Variants in DNAH11 observed in about 807,000 individuals in gnomAD.
DNAH11 encodes dynein axonemal heavy chain 11.
A neutral mutation model predicts 526.0 loss-of-function variants in DNAH11; 442 were observed. The observed-to-expected ratio is 0.84, with a 90% CI of 0.78 to 0.91. The LOEUF (loss-of-function observed/expected upper bound fraction) is 0.91. Among genes scored for constraint, DNAH11 ranks in the 40% least tolerant of loss-of-function variants. The pLI is 0.00. For missense variants in DNAH11, 6,989 were observed against 5,448.7 expected (o/e 1.28, Z -8.90); for synonymous variants, 2,461 against 1,935.9 (o/e 1.27, Z -7.12).
At chr7:21,752,051 C>G (rs1002755943) in intron 54 of DNAH11, among the ~76,000 whole-genome samples, 1 of 152,226 alleles carries the variant, frequency 6.6e-6, no homozygotes, top group African/African-American at 2.4e-5. Flanking sequence ...CAACTCCAAG[C>G]CAGACCTCCT....
intron 60 of DNAH11, 116 bp from the exon 61 acceptor site, chr7:21,789,125 T>TAA (rs11412202): frequency 6.9e-5 from 52 of 754,594 alleles, no homozygotes; most frequent in Admixed American, 2.1e-4. Flanking sequence ...CCCATCTCAA[T>TAA]AAAAAAAGAG....
chr7:21,670,803 G>A (rs1459299454), intron 30 of DNAH11, among the ~76,000 whole-genome samples: 1 of 151,960 alleles, frequency 6.6e-6, no homozygotes, highest in Non-Finnish European at 1.5e-5. Flanking sequence ...ATTTTCGAAA[G>A]TTACGCCAAC....
At chr7:21,559,538 T>G (rs1215283607) in intron 3 of DNAH11, 65 bp from the exon 4 acceptor site, 1 of 1,301,750 alleles carries the variant, frequency 7.7e-7, no homozygotes, top group Non-Finnish European at 1.1e-6. Flanking sequence ...AAATAACTAT[T>G]AAAGTCTATG....
chr7:21,778,218 A>G (rs745366555), intron 56 of DNAH11, among the ~76,000 whole-genome samples: 4 of 152,184 alleles, frequency 2.6e-5, no homozygotes, highest in Non-Finnish European at 4.4e-5. Context: ...AGATGAATTC[A>G]TGGATTCCTC....
intron 65 of DNAH11, among the ~76,000 whole-genome samples, chr7:21,820,372 G>A (rs759103393): frequency 6.6e-6 from 1 of 152,190 alleles, no homozygotes; most frequent in Non-Finnish European, 1.5e-5. Context: ...GGAGTTGTCA[G>A]TTCCATAGTG....
chr7:21,681,612 A>C lies in DNAH11; in HGVS notation c.5395A>C (p.Ile1799Leu), dbSNP rs1366183602. 10 of 1,613,814 alleles carry C rather than the reference A, an allele frequency of 6.2e-6. No homozygotes were observed. The highest frequency in any genetic ancestry group is 1.3e-5 in the African/African-American group (1 of 74,924). ...ACTTCCACCTGGAGACAGACAGAAGATCATGACAATTTGTACCATAGATGT... is the reference window on the plus strand; with the variant it reads ...ACTTCCACCTGGAGACAGACAGAAGCTCATGACAATTTGTACCATAGATGT... ...GELPPGDRQK[I>L]MTICTIDVHA... Residue 1799 changes from isoleucine (I) to leucine (L), a missense_variant, in exon 31 of 82, where the codon ATC (isoleucine) becomes CTC (leucine). Transcript: ENST00000409508.
intron 61 of DNAH11, among the ~76,000 whole-genome samples, chr7:21,795,912 A>G (rs1212699646): frequency 6.6e-6 from 1 of 152,188 alleles, no homozygotes; most frequent in Admixed American, 6.5e-5. Context: ...TAAAAGATGA[A>G]TAGGTTTTCA....
At chr7:21,720,202 G>T (rs763167572) in intron 43 of DNAH11, among the ~76,000 whole-genome samples, 1 of 152,186 alleles carries the variant, frequency 6.6e-6, no homozygotes, top group Non-Finnish European at 1.5e-5. Context: ...TGGGAAACTG[G>T]CTGCCAAAGC....
At position 21,617,729 on chromosome 7, in the gene DNAH11, C is replaced by T; in HGVS notation, c.4206C>T (p.Ser1402=). The change falls in exon 23 of 82, where the codon AGC becomes AGT. Residue 1402 remains serine (S), a synonymous_variant. Coordinates refer to ENST00000409508, the MANE Select transcript of DNAH11 (RefSeq NM_001277115.2). ...TGAGGGCCATCACAGAGTTACAGAG[C>T]CCTGCCCTCAGGGACAGGCATTGGC... ...ASLRAITELQ[S]PALRDRHWHQ... 1 of 1,611,478 alleles carries T rather than the reference C, an allele frequency of 6.2e-7. No individual in the cohort carries two copies. Among genetic ancestry groups the T allele is most frequent in the Non-Finnish European group, 8.5e-7 (1 of 1,178,880 alleles).
At chr7:21,889,057 C>G (rs1784235983) in intron 76 of DNAH11, among the ~76,000 whole-genome samples, 1 of 140,100 alleles carries the variant, frequency 7.1e-6, no homozygotes, top group Admixed American at 7.3e-5. Context: ...CCATTTGTTT[C>G]CCACCCCATA....
chr7:21,564,073 A>G (rs1435177057), intron 5 of DNAH11, 113 bp from the exon 6 acceptor site: 9 of 691,502 alleles, frequency 1.3e-5, no homozygotes, highest in South Asian at 7.6e-5. Context: ...AACTATGACA[A>G]CATTTAAGTG....
At chr7:21,700,240 A>G (rs934294975) in intron 36 of DNAH11, among the ~76,000 whole-genome samples, 6 of 152,182 alleles carry the variant, frequency 3.9e-5, no homozygotes, top group Non-Finnish European at 8.8e-5. Flanking sequence ...AGGTAGAACA[A>G]AGAAGGAAAG....
intron 61 of DNAH11, among the ~76,000 whole-genome samples, chr7:21,791,242 C>T (rs1346675445): frequency 2.6e-5 from 4 of 152,218 alleles, no homozygotes; most frequent in African/African-American, 9.6e-5. Flanking sequence ...GTAACAGCAA[C>T]TCTCAAGGTG....
In DNAH11 at chr7:21,591,588, T is replaced by G; in HGVS notation, c.2667+11T>G. 6.6e-7 allele frequency: 1 copy of G among 1,517,592 alleles called. No homozygotes were observed. Among genetic ancestry groups the G allele is most frequent in the Non-Finnish European group, 8.8e-7 (1 of 1,132,874 alleles). 94.0% of individuals were successfully genotyped at this position (1,517,592 alleles called of 1,614,324 possible). A position where few individuals can be genotyped will look rare whatever the true frequency, so the allele number is the denominator to read the frequency against. ...CACAACTTGGTCGAGGTAATGGCTT[T>G]TAACCTTTCAAGATTTATAGATCTT... On this transcript the variant is annotated intron_variant, in intron 14 of 81. Transcript: ENST00000409508.
intron 43 of DNAH11, among the ~76,000 whole-genome samples, chr7:21,718,574 G>T (rs1463790308): frequency 1.3e-5 from 2 of 152,048 alleles, no homozygotes; most frequent in African/African-American, 4.8e-5. Context: ...TAAGAGTGAG[G>T]GTTACACATA....
intron 75 of DNAH11, among the ~76,000 whole-genome samples, chr7:21,883,853 C>T (rs2128043409): frequency 6.6e-6 from 1 of 152,234 alleles, no homozygotes; most frequent in Non-Finnish European, 1.5e-5. Flanking sequence ...CCAACCTGGA[C>T]ACCATAGTGA....
chr7:21,898,186 G>C (rs1392231959), intron 79 of DNAH11, among the ~76,000 whole-genome samples: 1 of 152,314 alleles, frequency 6.6e-6, no homozygotes, highest in East Asian at 1.9e-4. Flanking sequence ...AACATTTTGA[G>C]AGAAATGTCT....
chr7:21,867,624 C>T (rs1205620983), intron 71 of DNAH11, among the ~76,000 whole-genome samples: 1 of 152,062 alleles, frequency 6.6e-6, no homozygotes, highest in Non-Finnish European at 1.5e-5. Flanking sequence ...CTCAGTAGCC[C>T]CCCAAAATGG....
rs749849152 is a variant in DNAH11, at chr7:21,765,531, C to T, written c.9044C>T (p.Pro3015Leu). Residue 3015 changes from proline to leucine, a missense_variant, in exon 55 of 82, where the codon CCG (proline) becomes CTG (leucine). Transcript: ENST00000409508. ...CTAIDWFHAW[P>L]QEALVSVSRR... Reference sequence around the variant, plus strand: ...GCTATTGACTGGTTTCATGCGTGGCCGCAGGAGGCTCTGGTCTCCGTCAGC... The same window carrying T: ...GCTATTGACTGGTTTCATGCGTGGCTGCAGGAGGCTCTGGTCTCCGTCAGC... 1.1e-5 allele frequency: 17 copies of T among 1,610,394 alleles called. No individual in the cohort carries two copies. In the African/African-American group the frequency reaches 1.2e-4, roughly 11 times the overall value.
Sources: gnomAD v4.1 joint callset for allele counts (sites outside exome capture counted in the v4.1 genomes callset) on GRCh38, gnomAD v4.1.1 for gene constraint, MANE v1.5 for transcripts, NCBI Gene and HGNC (gene_info 2026-07-23, HGNC 2026-07-21) for gene names.